The following ASIC2 variants were observed in gnomAD, a reference collection of about 807,000 sequenced individuals.
ASIC2 encodes acid sensing ion channel subunit 2, also known as acid-sensing ion channel 2.
A neutral mutation model predicts 57.3 loss-of-function variants in ASIC2; 25 were observed. The observed-to-expected ratio is 0.44, with a 90% CI of 0.32 to 0.61. The LOEUF is 0.61. Among genes scored for constraint, ASIC2 ranks in the 20% least tolerant of loss-of-function variants. The pLI is 0.06. For missense variants in ASIC2, 641 were observed against 738.1 expected (o/e 0.87, Z 1.52); for synonymous variants, 319 against 307.5 (o/e 1.04, Z -0.39).
In ASIC2 at chr17:34,038,968, G is replaced by A. The variant is rs1258660321; in HGVS notation, c.555+117010C>T. ...GCTCAGTAAATTTGGCTCCGTGTCGGACGTAGTAAAGTAGCCCAGTCTCAA... is the reference window on the plus strand; with the variant it reads ...GCTCAGTAAATTTGGCTCCGTGTCGAACGTAGTAAAGTAGCCCAGTCTCAA... On this transcript the variant is annotated intron_variant, in intron 1 of 9. Coordinates refer to the ASIC2 transcript ENST00000359872. The A allele has an allele frequency of 1.3e-5, 21 of 1,613,852 alleles. No homozygotes were observed. In the East Asian group the frequency reaches 2.5e-4, roughly 19 times the overall value.
At chr17:34,031,646 C>A (rs1023449108) in intron 1 of ASIC2, among the ~76,000 whole-genome samples, 2 of 152,010 alleles carry the variant, frequency 1.3e-5, no homozygotes, top group Non-Finnish European at 2.9e-5. Context: ...ACTAGAATAA[C>A]CAATGGAGAA....
chr17:33,760,551 A>G (rs1910750154), intron 1 of ASIC2, among the ~76,000 whole-genome samples: 1 of 152,056 alleles, frequency 6.6e-6, no homozygotes, highest in Non-Finnish European at 1.5e-5. Context: ...AGATTTATAT[A>G]TAAACAAACA....
chr17:33,282,710 A>G (rs1905007319), intron 1 of ASIC2, among the ~76,000 whole-genome samples: 2 of 152,164 alleles, frequency 1.3e-5, no homozygotes, highest in South Asian at 2.1e-4. Flanking sequence ...CCTGACCTCA[A>G]GTGATCTGCC....
At chr17:34,010,772 C>T (rs1906688235) in intron 1 of ASIC2, among the ~76,000 whole-genome samples, 2 of 151,538 alleles carry the variant, frequency 1.3e-5, no homozygotes, top group Admixed American at 6.6e-5. Flanking sequence ...GATACACACA[C>T]AGACACACCC....
chr17:33,089,176 T>C (rs2092148019), intron 2 of ASIC2, among the ~76,000 whole-genome samples, 186 bp from the exon 3 acceptor site: 2 of 152,168 alleles, frequency 1.3e-5, no homozygotes, highest in Non-Finnish European at 2.9e-5. Context: ...AAAAGGGACA[T>C]TGCAGGTGTG....
intron 1 of ASIC2, among the ~76,000 whole-genome samples, chr17:33,262,218 C>G (rs1259432650): frequency 6.6e-6 from 1 of 152,116 alleles, no homozygotes; most frequent in Admixed American, 6.6e-5. Flanking sequence ...CTGCTTGCTT[C>G]AAAATTCACC....
upstream of ASIC2, among the ~76,000 whole-genome samples, chr17:33,293,364 T>C (rs1905589566): frequency 6.6e-6 from 1 of 151,646 alleles, no homozygotes; most frequent in South Asian, 2.1e-4. Context: ...CGCGCCCGGC[T>C]CCTCCTCGCT....
At chr17:33,188,854 T>C (rs1333567148) in intron 1 of ASIC2, among the ~76,000 whole-genome samples, 1 of 152,194 alleles carries the variant, frequency 6.6e-6, no homozygotes, top group African/African-American at 2.4e-5. Flanking sequence ...AAGTTTGAAT[T>C]TACATAAGGA....
chr17:33,029,984 T>A (rs943928308), intron 3 of ASIC2, among the ~76,000 whole-genome samples: 1 of 152,236 alleles, frequency 6.6e-6, no homozygotes, highest in Non-Finnish European at 1.5e-5. Context: ...CTTTTACTTT[T>A]GGGTTGTAAG....
intron 1 of ASIC2, among the ~76,000 whole-genome samples, chr17:33,393,522 C>A (rs1294789105): frequency 6.6e-6 from 1 of 152,174 alleles, no homozygotes; most frequent in Non-Finnish European, 1.5e-5. Flanking sequence ...GCTTGAACCA[C>A]ACTATCTGAG....
At chr17:33,599,102 G>A (rs1488837162) in intron 1 of ASIC2, among the ~76,000 whole-genome samples, 2 of 152,188 alleles carry the variant, frequency 1.3e-5, no homozygotes, top group African/African-American at 4.8e-5. Context: ...CTTGATATCT[G>A]CACTGTTTAC....
chr17:33,970,767 C>T (rs749891746), intron 1 of ASIC2, among the ~76,000 whole-genome samples: 1 of 152,162 alleles, frequency 6.6e-6, no homozygotes, highest in African/African-American at 2.4e-5. Context: ...GAAAGGTGTC[C>T]AGGCTGACTC....
At chr17:33,291,166 A>C (rs962144135) in intron 1 of ASIC2, 2 of 741,526 alleles carry the variant, frequency 2.7e-6, no homozygotes, top group African/African-American at 3.6e-5. Context: ...TGACACTGGA[A>C]GGAGGGGCTG....
intron 1 of ASIC2, among the ~76,000 whole-genome samples, chr17:33,986,320 T>C (rs1597963137): frequency 1.3e-5 from 2 of 152,008 alleles, no homozygotes; most frequent in East Asian, 1.9e-4. Flanking sequence ...AAGTTCTTAG[T>C]AGGAGTGGAA....
intron 1 of ASIC2, chr17:33,984,398 CAT>C (rs1905738991): frequency 1.3e-5 from 2 of 152,226 alleles, no homozygotes. Context: ...AGTGTCAACA[CAT>C]ATGCCCAGCA....
intron 1 of ASIC2, among the ~76,000 whole-genome samples, chr17:33,653,717 G>T (rs1906993820): frequency 6.6e-6 from 1 of 152,182 alleles, no homozygotes; most frequent in African/African-American, 2.4e-5. Context: ...TAATTAGGAA[G>T]TATTTGCTTC....
chr17:33,333,895 C>G (rs548656605), intron 1 of ASIC2, among the ~76,000 whole-genome samples: 1 of 152,316 alleles, frequency 6.6e-6, no homozygotes, highest in East Asian at 1.9e-4. Context: ...AGTCTTTCCC[C>G]AGACCCCTGG....
intron 1 of ASIC2, among the ~76,000 whole-genome samples, chr17:33,836,446 T>A (rs967800262): frequency 1.3e-5 from 2 of 152,104 alleles, no homozygotes; most frequent in Non-Finnish European, 2.9e-5. Context: ...CCTCCCAAAG[T>A]GCTGGAATTA....
intron 1 of ASIC2, among the ~76,000 whole-genome samples, chr17:33,655,494 A>G (rs533477760): frequency 6.6e-6 from 1 of 151,970 alleles, no homozygotes; most frequent in Non-Finnish European, 1.5e-5. Flanking sequence ...TTTCCTACCC[A>G]CCCCTGCTCC....
Sources: gnomAD v4.1 joint callset for allele counts (sites outside exome capture counted in the v4.1 genomes callset) on GRCh38, gnomAD v4.1.1 for gene constraint, MANE v1.5 for transcripts, NCBI Gene and HGNC (gene_info 2026-07-23, HGNC 2026-07-21) for gene names.